Variants in CADM2 observed in about 807,000 individuals in gnomAD.
The protein encoded by CADM2 is immunoglobulin superfamily member 4D.
CADM2 carries 12 observed loss-of-function variants against 49.8 expected under a neutral mutation model. That is an observed-to-expected ratio of 0.24 (90% CI 0.15 to 0.39). CADM2 has a LOEUF of 0.39. CADM2 is among the 10% of genes least tolerant of loss of function. CADM2 has a pLI of 1.00. For missense variants in CADM2, 378 were observed against 492.3 expected (o/e 0.77, Z 2.20); for synonymous variants, 214 against 175.4 (o/e 1.22, Z -1.74).
chr3:85,428,964 T>A (rs879816480), intron 1 of CADM2, among the ~76,000 whole-genome samples: 2 of 151,928 alleles, frequency 1.3e-5, no homozygotes, highest in African/African-American at 4.8e-5. Context: ...AATTCTCTGA[T>A]CAATACTTTA....
chr3:85,462,408 G>C (rs59142599), intron 1 of CADM2, among the ~76,000 whole-genome samples: 5,813 of 152,162 alleles, frequency 0.038, 373 homozygotes, highest in African/African-American at 0.13. Context: ...TTATGAAAAA[G>C]TAGCCTAAGT....
intron 8 of CADM2, among the ~76,000 whole-genome samples, chr3:85,996,699 C>A (rs1377843011): frequency 2.0e-5 from 3 of 152,022 alleles, no homozygotes; most frequent in Admixed American, 2.0e-4. Flanking sequence ...CTTTATAATT[C>A]TTCTTCATCA....
chr3:85,893,823 C>G (rs1286887458), intron 5 of CADM2, among the ~76,000 whole-genome samples: 1 of 151,984 alleles, frequency 6.6e-6, no homozygotes, highest in Non-Finnish European at 1.5e-5. Flanking sequence ...GTTAGAATGG[C>G]GATCATTAAA....
Position 85,046,246 on chromosome 3 carries a change from T to C in CADM2, c.61+86578T>C, listed in dbSNP as rs560294806. 6.6e-5 allele frequency among the ~76,000 whole-genome samples: 10 copies of C among 152,046 alleles called. No individual in the cohort carries two copies. The South Asian group carries it at 2.1e-3, about 32-fold the overall frequency. The stretch of plus-strand genomic sequence containing the variant: ...CTTATCATGTTGCGTTATTCCAAAA[T>C]GCATACAAAGGTTCAGTAAACCAAA... On this transcript the variant is annotated intron_variant, in intron 1 of 9. Coordinates refer to ENST00000383699, the MANE Select transcript of CADM2 (RefSeq NM_001167675.2).
chr3:85,545,691 G>A (rs1372622823), intron 1 of CADM2, among the ~76,000 whole-genome samples: 1 of 152,158 alleles, frequency 6.6e-6, no homozygotes, highest in Non-Finnish European at 1.5e-5. Flanking sequence ...ATAGGGCTGG[G>A]TGGAACCCTG....
chr3:85,773,141 G>T (rs904670315), intron 2 of CADM2, among the ~76,000 whole-genome samples: 6 of 151,616 alleles, frequency 4.0e-5, no homozygotes, highest in African/African-American at 1.4e-4. Context: ...CAAGAGCCTT[G>T]TCATCTTCTT....
intron 1 of CADM2, among the ~76,000 whole-genome samples, chr3:85,399,075 C>G (rs1330057217): frequency 1.3e-5 from 2 of 152,090 alleles, no homozygotes; most frequent in Non-Finnish European, 2.9e-5. Context: ...GAAGTCTTTG[C>G]CCATGCCTAT....
At chr3:85,556,603 G>A (rs1182541519) in intron 1 of CADM2, among the ~76,000 whole-genome samples, 3 of 152,074 alleles carry the variant, frequency 2.0e-5, no homozygotes, top group Admixed American at 6.6e-5. Context: ...AACTTACCTC[G>A]AAACATTTTA....
chr3:85,461,449 A>G (rs1489825538), intron 1 of CADM2, among the ~76,000 whole-genome samples: 1 of 152,172 alleles, frequency 6.6e-6, no homozygotes, highest in Non-Finnish European at 1.5e-5. Flanking sequence ...TTTTAGTAAA[A>G]TCATTATTGA....
rs1186887258 is a variant in CADM2, at chr3:85,559,687, C to CAT, written c.62-166824_62-166823dup. Among the ~76,000 whole-genome samples the CAT allele has an allele frequency of 4.5e-4, 22 of 49,368 alleles. No homozygotes were observed. In the East Asian group the frequency reaches 8.5e-3, roughly 19 times the overall value. The allele number at this position is 49,368 out of a possible 152,430, so 32.4% of individuals were successfully genotyped here. ...ACACACACACACACACACACACACA[C>CAT]ATATATATATATCACTTTTTAAAAA... On this transcript the variant is annotated intron_variant, in intron 1 of 9. Transcript: ENST00000383699.
intron 8 of CADM2, 102 bp from the exon 9 acceptor site, chr3:86,065,503 C>T: frequency 8.2e-7 from 1 of 1,221,486 alleles, no homozygotes; most frequent in Non-Finnish European, 1.1e-6. Flanking sequence ...TATTATTTAA[C>T]AGAAATTGTG....
At chr3:85,990,013 CAAAAAAAAAAAAAAAAAAAAA>C (rs58178176) in intron 8 of CADM2, among the ~76,000 whole-genome samples, 4 of 9,638 alleles carry the variant, frequency 4.2e-4, no homozygotes, top group Non-Finnish European at 6.8e-4. Flanking sequence ...ACTCCATGTC[CAAAAAAAAAAAAAAAAAAAAA>C]AAAAAAAAAA....
chr3:85,334,921 AT>A (rs1442112335), intron 1 of CADM2, among the ~76,000 whole-genome samples: 1 of 151,370 alleles, frequency 6.6e-6, no homozygotes, highest in Non-Finnish European at 1.5e-5. Context: ...TCTCATTATA[AT>A]TTAGTAACTT....
At chr3:85,185,290 G>A (rs1453257631) in intron 1 of CADM2, among the ~76,000 whole-genome samples, 8 of 151,192 alleles carry the variant, frequency 5.3e-5, no homozygotes, top group Non-Finnish European at 1.0e-4. Flanking sequence ...TTCAAGATTG[G>A]CATCTAACTA....
At chr3:85,023,620 A>T (rs978768599) in intron 1 of CADM2, among the ~76,000 whole-genome samples, 1 of 152,098 alleles carries the variant, frequency 6.6e-6, no homozygotes, top group Non-Finnish European at 1.5e-5. Flanking sequence ...AATATGAAGC[A>T]TCTGTTATTA....
At chr3:85,775,968 G>A (rs11926925) in intron 2 of CADM2, among the ~76,000 whole-genome samples, 5,604 of 151,686 alleles carry the variant, frequency 0.037, 244 homozygotes, top group East Asian at 0.19. Flanking sequence ...TTTCTAACAC[G>A]AATTCATTGA....
At chr3:85,527,020 A>T (rs1166574732) in intron 1 of CADM2, among the ~76,000 whole-genome samples, 1 of 152,114 alleles carries the variant, frequency 6.6e-6, no homozygotes, top group African/African-American at 2.4e-5. Context: ...TAGTTTTAGA[A>T]ATATGGACAA....
At chr3:85,353,667 G>T (rs2031573633) in intron 1 of CADM2, among the ~76,000 whole-genome samples, 3 of 150,390 alleles carry the variant, frequency 2.0e-5, no homozygotes, top group Admixed American at 6.6e-5. Context: ...ACATAATATT[G>T]CTACATCAAT....
intron 8 of CADM2, among the ~76,000 whole-genome samples, chr3:86,064,881 C>A (rs1320174297): frequency 2.8e-4 from 43 of 152,114 alleles, no homozygotes; most frequent in Admixed American, 2.8e-3. Context: ...TCACAAGTTC[C>A]ACCGGCATCT....
Sources: gnomAD v4.1 joint callset for allele counts (sites outside exome capture counted in the v4.1 genomes callset) on GRCh38, gnomAD v4.1.1 for gene constraint, MANE v1.5 for transcripts, NCBI Gene and HGNC (gene_info 2026-07-23, HGNC 2026-07-21) for gene names.